Variants in NFKB1 observed in about 807,000 individuals in gnomAD.
NFKB1 encodes nuclear factor NF-kappa-B p105 subunit.
In NFKB1, 9 loss-of-function variants were observed where a neutral mutation model predicts 105.1. The observed-to-expected ratio is 0.09, with a 90% CI of 0.05 to 0.15. The LOEUF (loss-of-function observed/expected upper bound fraction) is 0.15, where lower values mean the gene tolerates loss of function less well. Among genes scored for constraint, NFKB1 ranks in the 10% least tolerant of loss-of-function variants. The pLI, the probability that NFKB1 is intolerant of heterozygous loss-of-function variation, is 1.00. For synonymous variants in NFKB1, 440 were observed against 442.2 expected, an observed-to-expected ratio of 1.00 and a Z score of 0.06; for missense variants, 830 against 1,203.7, an observed-to-expected ratio of 0.69 and a Z score of 4.59.
intron 11 of NFKB1, among the ~76,000 whole-genome samples, chr4:102,587,229 A>G (rs1725782594): frequency 6.6e-6 from 1 of 152,212 alleles, no homozygotes; most frequent in Non-Finnish European, 1.5e-5. Context: ...TTCTGCCTAC[A>G]CAAAATGATG....
chr4:102,525,754 C>T (rs1196223628), intron 2 of NFKB1, among the ~76,000 whole-genome samples, 197 bp downstream of exon 2: 1 of 152,168 alleles, frequency 6.6e-6, no homozygotes, highest in East Asian at 1.9e-4. Context: ...CCCGCTTTCA[C>T]ACATATTGTT....
intron 1 of NFKB1, among the ~76,000 whole-genome samples, chr4:102,518,170 G>A (rs534808153): frequency 6.6e-6 from 1 of 152,280 alleles, no homozygotes; most frequent in Admixed American, 6.5e-5. Flanking sequence ...AAATTGCAAA[G>A]TCAAAAATGG....
Position 102,578,872 on chromosome 4 carries a change from T to C in NFKB1, c.572-9T>C, listed in dbSNP as rs867010307. The C allele has an allele frequency of 3.7e-6, 6 of 1,613,870 alleles. No individual in the cohort carries two copies. The highest frequency in any genetic ancestry group is 3.3e-5 in the Admixed American group (2 of 59,984). ...CTGGGCATGAATGGACTGTGCTGTA[T>C]GGCCCTAGATCGGGAAAAAGAGCTA... On this transcript the variant is annotated splice_polypyrimidine_tract_variant and intron_variant, in intron 7 of 23. Coordinates refer to ENST00000226574, the MANE Select transcript of NFKB1 (RefSeq NM_003998.4).
rs777244014 is a variant in NFKB1 at position 102,616,641 on chromosome 4, C to T, written c.*47C>T. 1.3e-6 allele frequency: 2 copies of T among 1,590,516 alleles called. No individual in the cohort carries two copies. The highest frequency in any genetic ancestry group is 1.1e-5 in the South Asian group (1 of 88,514). On this transcript the variant is annotated 3_prime_UTR_variant, in exon 24 of 24. Transcript: ENST00000226574. The stretch of plus-strand genomic sequence containing the variant: ...CGTGTAAACCAAAGCCCTAAAATTC[C>T]ACTGCGTTGTCCACAAGACAGAAGC...
chr4:102,584,348 G>A (rs1015372066), intron 10 of NFKB1, among the ~76,000 whole-genome samples: 5 of 152,108 alleles, frequency 3.3e-5, no homozygotes, highest in Non-Finnish European at 5.9e-5. Context: ...AGGCTTTTAA[G>A]GCTGCTTTGG....
At chr4:102,519,819 A>G (rs1740448268) in intron 1 of NFKB1, among the ~76,000 whole-genome samples, 1 of 152,222 alleles carries the variant, frequency 6.6e-6, no homozygotes, top group Non-Finnish European at 1.5e-5. Context: ...TTTCAGCTTC[A>G]GTGTCTTATC....
At chr4:102,586,930 A>G (rs1356486153) in intron 11 of NFKB1, among the ~76,000 whole-genome samples, 1 of 152,228 alleles carries the variant, frequency 6.6e-6, no homozygotes, top group Non-Finnish European at 1.5e-5. Flanking sequence ...GTGCTGCCAC[A>G]GGAGTGTTTA....
chr4:102,536,058 CA>C, intron 4 of NFKB1, among the ~76,000 whole-genome samples: 1 of 152,042 alleles, frequency 6.6e-6, no homozygotes, highest in East Asian at 1.9e-4. Flanking sequence ...TAATACTGTT[CA>C]AAAACTCAAG....
intron 18 of NFKB1, 46 bp from the exon 19 acceptor site, chr4:102,607,603 C>T: frequency 2.5e-6 from 4 of 1,590,092 alleles, no homozygotes; most frequent in Non-Finnish European, 3.5e-6. Context: ...GACAAAAGGG[C>T]AAAAGAACCT....
chr4:102,507,882 A>G (rs1196009228), intron 1 of NFKB1, among the ~76,000 whole-genome samples: 4 of 152,228 alleles, frequency 2.6e-5, no homozygotes, highest in Non-Finnish European at 4.4e-5. Flanking sequence ...CAATTCTACC[A>G]TATAACAAGT....
At chr4:102,582,111 C>T (rs989592978) in intron 9 of NFKB1, among the ~76,000 whole-genome samples, 3 of 152,092 alleles carry the variant, frequency 2.0e-5, no homozygotes, top group African/African-American at 7.2e-5. Flanking sequence ...TATTTATAAA[C>T]ACACTCCATG....
At chr4:102,514,399 G>A (rs1278542418) in intron 1 of NFKB1, among the ~76,000 whole-genome samples, 1 of 152,104 alleles carries the variant, frequency 6.6e-6, no homozygotes, top group African/African-American at 2.4e-5. Context: ...GGGATTAGGT[G>A]CCCTTTTAAA....
chr4:102,571,055 G>A (rs1302590764), intron 6 of NFKB1, among the ~76,000 whole-genome samples: 22 of 152,162 alleles, frequency 1.4e-4, no homozygotes, highest in Non-Finnish European at 1.2e-4. Context: ...AACAAAGCTG[G>A]AGGCGTCACA....
At chr4:102,544,834 G>T (rs142819636) in intron 5 of NFKB1, among the ~76,000 whole-genome samples, 32 of 152,232 alleles carry the variant, frequency 2.1e-4, no homozygotes, top group African/African-American at 7.7e-4. Context: ...TACACTCCTT[G>T]AATTTAAGAA....
intron 2 of NFKB1, among the ~76,000 whole-genome samples, chr4:102,526,718 T>C (rs765855591): frequency 6.6e-6 from 1 of 152,164 alleles, no homozygotes; most frequent in Non-Finnish European, 1.5e-5. Context: ...GTCAAAAATA[T>C]TCAATGAATG....
intron 4 of NFKB1, among the ~76,000 whole-genome samples, chr4:102,536,837 T>G (rs1246865098): frequency 6.6e-6 from 1 of 152,126 alleles, no homozygotes; most frequent in Non-Finnish European, 1.5e-5. Context: ...CACCAAAAAG[T>G]GAATCTGTAA....
At chr4:102,616,033 T>A (rs1728913585) in intron 23 of NFKB1, among the ~76,000 whole-genome samples, 1 of 152,262 alleles carries the variant, frequency 6.6e-6, no homozygotes, top group African/African-American at 2.4e-5. Context: ...TCATTTTTAG[T>A]TCTTGCTTCT....
At chr4:102,504,605 G>T (rs995719672) in intron 1 of NFKB1, among the ~76,000 whole-genome samples, 3 of 152,154 alleles carry the variant, frequency 2.0e-5, no homozygotes, top group Admixed American at 1.3e-4. Flanking sequence ...TGATGACTAC[G>T]TCTTGGTAAA....
At chr4:102,592,186 C>A (rs186950883) in intron 11 of NFKB1, among the ~76,000 whole-genome samples, 1 of 152,292 alleles carries the variant, frequency 6.6e-6, no homozygotes, top group East Asian at 1.9e-4. Flanking sequence ...AGAATCTACT[C>A]CTGGAGAAGA....
Sources: gnomAD v4.1 joint callset for allele counts (sites outside exome capture counted in the v4.1 genomes callset) on GRCh38, gnomAD v4.1.1 for gene constraint, MANE v1.5 for transcripts, NCBI Gene and HGNC (gene_info 2026-07-23, HGNC 2026-07-21) for gene names.